The following AMN1 variants were observed in gnomAD, a reference collection of about 807,000 sequenced individuals.
AMN1 encodes protein AMN1 homolog.
Under a neutral mutation model 33.0 loss-of-function variants are expected in AMN1, and 20 were observed. The ratio of observed to expected loss-of-function variants is 0.61; its 90% CI spans 0.43 to 0.88. AMN1 has a LOEUF of 0.88. AMN1 is among the 40% of genes least tolerant of loss of function. The probability of loss-of-function intolerance (pLI) is 0.00; values close to 1 mark genes in which losing one functional copy is unlikely to be tolerated. For missense variants in AMN1, 246 were observed against 307.4 expected (o/e 0.80, Z 1.49); for synonymous variants, 114 against 111.9 (o/e 1.02, Z -0.12).
chr12:31,678,221 T>C lies in AMN1; in HGVS notation c.704-5844A>G, dbSNP rs150605849. Among the ~76,000 whole-genome samples the C allele has an allele frequency of 3.0e-3, 456 of 152,266 alleles. 6 individuals carry two copies. The highest frequency in any genetic ancestry group is 0.01 in the African/African-American group (428 of 41,560). ...CCTTTTCGTATAGGACTGTCAGCCT[T>C]GACCCTTATGATGGGTGAGGAAAGG... On this transcript the variant is annotated intron_variant, in intron 6 of 6. Transcript: ENST00000281471.
chr12:31,717,115 C>G (rs11834122), intron 1 of AMN1, among the ~76,000 whole-genome samples: 19 of 152,240 alleles, frequency 1.2e-4, no homozygotes, highest in African/African-American at 3.4e-4. Context: ...CTTGCTCCCC[C>G]CAACCACAGG....
chr12:31,710,364 A>G (rs1939417815), intron 1 of AMN1, among the ~76,000 whole-genome samples: 1 of 152,202 alleles, frequency 6.6e-6, no homozygotes, highest in Non-Finnish European at 1.5e-5. Flanking sequence ...AAATATCCCC[A>G]TATATACAAA....
At chr12:31,721,142 T>C (rs1330101443) in intron 1 of AMN1, among the ~76,000 whole-genome samples, 1 of 152,228 alleles carries the variant, frequency 6.6e-6, no homozygotes, top group Non-Finnish European at 1.5e-5. Context: ...TATATCTGGC[T>C]CCTGCGACAG....
At chr12:31,682,210 A>T (rs1218691263) in intron 6 of AMN1, among the ~76,000 whole-genome samples, 1 of 152,192 alleles carries the variant, frequency 6.6e-6, no homozygotes, top group African/African-American at 2.4e-5. Context: ...AACTTTTTGG[A>T]CATATAAACA....
chr12:31,680,459 C>G lies in AMN1; in HGVS notation c.704-8082G>C, dbSNP rs575703252. On this transcript the variant is annotated intron_variant, in intron 6 of 6. Transcript: ENST00000281471. ...CAGGTGATCCGCCTGCCTCGGCCCC[C>G]CCACAGGGCTGGGATTACAGGCGTG... Among the ~76,000 whole-genome samples the G allele has an allele frequency of 8.5e-5, 13 of 152,310 alleles. No individual in the cohort carries two copies. In the East Asian group the frequency reaches 1.9e-3, roughly 23 times the overall value.
intron 5 of AMN1, among the ~76,000 whole-genome samples, chr12:31,696,080 T>C (rs1369500471): frequency 1.3e-5 from 2 of 151,406 alleles, no homozygotes; most frequent in African/African-American, 4.8e-5. Context: ...CTGTCTCTAA[T>C]ATAAAAATTA....
At position 31,687,655 on chromosome 12, in the gene AMN1, C is replaced by A. The variant is rs530589469; in HGVS notation, c.703+1352G>T. Among the ~76,000 whole-genome samples the A allele has an allele frequency of 6.6e-6, 1 of 151,686 alleles. No individual in the cohort carries two copies. On this transcript the variant is annotated intron_variant, in intron 6 of 6. Coordinates refer to ENST00000281471, the MANE Select transcript of AMN1 (RefSeq NM_001113402.2). This position sits in a 1 kb window ranked among gnomAD's most constrained non-coding sequence, Gnocchi z 4.1. ...CCAAGATTGCACCACTGCACTCCAG[C>A]CTCGGCGGGTGACAGAGCGAGATTC...
At chr12:31,695,032 T>C (rs1938661298) in intron 5 of AMN1, among the ~76,000 whole-genome samples, 1 of 152,200 alleles carries the variant, frequency 6.6e-6, no homozygotes, top group Non-Finnish European at 1.5e-5. Flanking sequence ...TTTAGAGACA[T>C]TTCCATTAAA....
intron 6 of AMN1, among the ~76,000 whole-genome samples, chr12:31,681,918 C>T (rs563126050): frequency 2.6e-5 from 4 of 152,294 alleles, no homozygotes; most frequent in Admixed American, 6.5e-5. Context: ...TTCAAGCGAT[C>T]CACCCACCTT....
In AMN1 at chr12:31,709,285, A is replaced by T. The variant is rs1251115051; in HGVS notation, c.171+8T>A. The T allele has an allele frequency of 1.2e-6, 2 of 1,612,504 alleles. No homozygotes were observed. Among genetic ancestry groups the T allele is most frequent in the East Asian group, 2.2e-5 (1 of 44,866 alleles). On this transcript the variant is annotated splice_region_variant and intron_variant, in intron 2 of 6. Coordinates refer to ENST00000281471, the MANE Select transcript of AMN1 (RefSeq NM_001113402.2). Reference sequence around the variant, plus strand: ...ATATGCTTGCTTTACAGTTATTCATACTCTTACCTCACTTATATTTGAATC... The same window carrying T: ...ATATGCTTGCTTTACAGTTATTCATTCTCTTACCTCACTTATATTTGAATC...
intron 6 of AMN1, among the ~76,000 whole-genome samples, chr12:31,678,421 G>C (rs577326403): frequency 1.3e-4 from 20 of 150,224 alleles, no homozygotes; most frequent in Non-Finnish European, 2.2e-4. Context: ...TGTTGAGACA[G>C]AGTCTCACCC....
chr12:31,694,717 C>A (rs1040462871), intron 5 of AMN1, among the ~76,000 whole-genome samples: 17 of 152,132 alleles, frequency 1.1e-4, no homozygotes, highest in African/African-American at 3.6e-4. Flanking sequence ...CTGTACTCCA[C>A]CCTGGGTGAC....
rs75323128 is a variant in AMN1, at chr12:31,706,839, T to C, written c.171+2454A>G. ...TTACTCTTACCACTACCAGAGAGTA[T>C]ACAGAGATATGTTCACAGGCCAAAA... On this transcript the variant is annotated intron_variant, in intron 2 of 6. Transcript: ENST00000281471. Among the ~76,000 whole-genome samples the C allele has an allele frequency of 6.0e-3, 912 of 152,150 alleles. 10 individuals are homozygous for C. The highest frequency in any genetic ancestry group is 0.021 in the African/African-American group (858 of 41,514).
At chr12:31,673,585 C>T (rs1239225256) in intron 6 of AMN1, 3 of 412,058 alleles carry the variant, frequency 7.3e-6, no homozygotes, top group African/African-American at 2.1e-5. Flanking sequence ...AGCTGGGTGG[C>T]TATAGAAGAA....
intron 1 of AMN1, among the ~76,000 whole-genome samples, chr12:31,709,793 C>T (rs533354274): frequency 5.3e-5 from 8 of 152,028 alleles, no homozygotes; most frequent in East Asian, 1.9e-4. Flanking sequence ...TGTGCCACTA[C>T]GCTCCAGCCT....
At chr12:31,708,133 A>C (rs1038037643) in intron 2 of AMN1, among the ~76,000 whole-genome samples, 6 of 152,308 alleles carry the variant, frequency 3.9e-5, no homozygotes, top group African/African-American at 1.4e-4. Context: ...ATAAGGTCTG[A>C]CTGCCTGCGG....
chr12:31,727,246 C>A (rs1299158232), intron 1 of AMN1, among the ~76,000 whole-genome samples: 1 of 152,182 alleles, frequency 6.6e-6, no homozygotes, highest in African/African-American at 2.4e-5. Flanking sequence ...CAAAGAACAT[C>A]TTCATGTGTC....
intron 6 of AMN1, among the ~76,000 whole-genome samples, chr12:31,684,496 A>C (rs1366261298): frequency 1.4e-5 from 2 of 146,204 alleles, no homozygotes; most frequent in Non-Finnish European, 3.0e-5. Context: ...TTTGAGATGG[A>C]GTCTCACTCT....
rs1369341958 is a variant in AMN1 at position 31,672,051 on chromosome 12, T to C, written c.*253A>G. 2 of 377,146 alleles carry C rather than the reference T, an allele frequency of 5.3e-6. No individual in the cohort carries two copies. Among genetic ancestry groups the C allele is most frequent in the African/African-American group, 4.1e-5 (2 of 48,676 alleles). The allele number at this position is 377,146 out of a possible 1,614,324, so 23.4% of individuals were successfully genotyped here. A position where few individuals can be genotyped will look rare whatever the true frequency, so the allele number is the denominator to read the frequency against. ...ATCCAACACCATAGATCAGAGTTCA[T>C]GCTAGGATTATCATTTCAAAAATAA... On this transcript the variant is annotated 3_prime_UTR_variant, in exon 7 of 7. Coordinates refer to ENST00000281471, the MANE Select transcript of AMN1 (RefSeq NM_001113402.2).
Sources: gnomAD v4.1 joint callset for allele counts (sites outside exome capture counted in the v4.1 genomes callset) on GRCh38, gnomAD v4.1.1 for gene constraint, Gnocchi (gnomAD v3.1) non-coding constraint, MANE v1.5 for transcripts, NCBI Gene and HGNC (gene_info 2026-07-23, HGNC 2026-07-21) for gene names.